Variants in NAA38 observed in about 807,000 individuals in gnomAD.
NAA38 encodes LSM domain containing 1.
NAA38 carries 15 observed loss-of-function variants against 12.6 expected under a neutral mutation model. The observed-to-expected ratio is 1.19, with a 90% CI of 0.79 to 1.83. The LOEUF (loss-of-function observed/expected upper bound fraction) is 1.83. Among genes scored for constraint, NAA38 ranks in the 40% most tolerant of loss-of-function variants. The probability of loss-of-function intolerance (pLI) is 0.00; values close to 1 mark genes in which losing one functional copy is unlikely to be tolerated. For missense variants in NAA38, 183 were observed against 171.7 expected (o/e 1.07, Z -0.37); for synonymous variants, 88 against 69.9 (o/e 1.26, Z -1.29).
upstream of NAA38, chr17:7,857,584 C>G (rs1262163057): frequency 6.5e-6 from 9 of 1,392,212 alleles, no homozygotes; most frequent in Middle Eastern, 4.0e-4. Flanking sequence ...CCTCCCCCTC[C>G]TAGTCTCCTC....
intron 1 of NAA38, chr17:7,884,941 G>GGAC (rs1170689137): frequency 1.4e-6 from 2 of 1,396,096 alleles, no homozygotes; most frequent in African/African-American, 1.5e-5. Context: ...ACGATGAGGA[G>GGAC]GACGACGACG....
At chr17:7,882,272 C>T (rs78209469) in intron 2 of NAA38, among the ~76,000 whole-genome samples, 10,893 of 152,132 alleles carry the variant, frequency 0.072, 708 homozygotes, top group East Asian at 0.37. Flanking sequence ...GCACATGATG[C>T]GCAGTGTGGC....
At chr17:7,864,245 A>T (rs1477133544) in intron 3 of NAA38, 1 of 152,212 alleles carries the variant, frequency 6.6e-6, no homozygotes, top group Admixed American at 6.5e-5. Context: ...AAAAATACAA[A>T]TGGATATGCA....
Position 7,857,432 on chromosome 17 carries a change from C to A in NAA38, c.32G>T (p.Arg11Leu). Reference protein sequence around the residue: MAGAGPTMLLREENGCCSRRQ... With the variant: MAGAGPTMLLLEENGCCSRRQ... ...CCGACTGCAACAGCCATTCTCTTCT[C>A]GTAGCAGCATGGTCGGTCCAGCTCC... The change falls in exon 1 of 3, where the codon CGA becomes CTA. Residue 11 changes from arginine (R) to leucine (L), a missense_variant. Transcript: ENST00000575771. 1 of 1,586,956 alleles carries A rather than the reference C, an allele frequency of 6.3e-7. No homozygotes were observed. The highest frequency in any genetic ancestry group is 8.6e-7 in the Non-Finnish European group (1 of 1,168,552).
chr17:7,861,464 C>T (rs980696139), upstream of NAA38: 5 of 152,142 alleles, frequency 3.3e-5, no homozygotes, highest in African/African-American at 1.2e-4. Flanking sequence ...ACCTTGTTTG[C>T]TCAATTAAAC....
intron 1 of NAA38, chr17:7,884,694 C>A (rs1597889793): frequency 3.0e-5 from 10 of 335,058 alleles, no homozygotes; most frequent in East Asian, 4.6e-5. Flanking sequence ...GACGCCGCCG[C>A]CGAGGAGGAG....
At chr17:7,871,002 C>T (rs1967076693) in intron 2 of NAA38, among the ~76,000 whole-genome samples, 2 of 152,086 alleles carry the variant, frequency 1.3e-5, no homozygotes, top group Non-Finnish European at 2.9e-5. Context: ...GTGGAGATTA[C>T]AGGTGTGAAC....
chr17:7,875,122 G>A (rs1374282534), intron 2 of NAA38, among the ~76,000 whole-genome samples: 1 of 151,874 alleles, frequency 6.6e-6, no homozygotes, highest in African/African-American at 2.4e-5. Context: ...TTGAGCCTAG[G>A]AGTTCGAGGC....
At chr17:7,858,927 T>C, upstream of NAA38, 1 of 1,117,194 alleles carries the variant, frequency 9.0e-7, no homozygotes, top group Non-Finnish European at 1.2e-6. Flanking sequence ...GGTGGGAGTG[T>C]ATTTTCTGTC....
intron 2 of NAA38, among the ~76,000 whole-genome samples, chr17:7,867,704 T>A (rs1967013545): frequency 6.6e-6 from 1 of 152,106 alleles, no homozygotes; most frequent in Non-Finnish European, 1.5e-5. Flanking sequence ...GACTACAATG[T>A]CAAGAGAGAA....
intron 1 of NAA38, chr17:7,885,130 G>T: frequency 1.0e-6 from 1 of 982,898 alleles, no homozygotes; most frequent in Non-Finnish European, 1.2e-6. Context: ...TGGGAGCCGC[G>T]GGCGCGCGAA....
chr17:7,857,707 A>G, upstream of NAA38: 1 of 1,306,584 alleles, frequency 7.7e-7, no homozygotes, highest in Non-Finnish European at 9.7e-7. Flanking sequence ...CTGGTTTCTT[A>G]CACATCCTTT....
intron 2 of NAA38, among the ~76,000 whole-genome samples, chr17:7,880,096 C>A (rs2151392822): frequency 6.6e-6 from 1 of 152,122 alleles, no homozygotes; most frequent in South Asian, 2.1e-4. Context: ...GTGTTTTATA[C>A]AACATAGTGC....
At chr17:7,870,916 G>A (rs1194738565) in intron 2 of NAA38, among the ~76,000 whole-genome samples, 3 of 151,278 alleles carry the variant, frequency 2.0e-5, no homozygotes, top group South Asian at 2.1e-4. Context: ...TTGTAGAAAC[G>A]GGGTCTCACT....
chr17:7,877,062 C>T (rs1478413232), intron 2 of NAA38: 1 of 388,926 alleles, frequency 2.6e-6, no homozygotes, highest in Admixed American at 3.1e-5. Context: ...TTCAAAGAAC[C>T]AGAGATTCAT....
intron 3 of NAA38, chr17:7,864,949 G>C (rs74252292): frequency 6.6e-6 from 1 of 151,976 alleles, no homozygotes; most frequent in Non-Finnish European, 1.5e-5. Context: ...AGGTACTTGT[G>C]TGTAGAATTT....
chr17:7,884,464 A>ATATATATATATG (rs1967435672), intron 1 of NAA38, among the ~76,000 whole-genome samples: 1 of 142,988 alleles, frequency 7.0e-6, no homozygotes, highest in Non-Finnish European at 1.5e-5. Flanking sequence ...ATACATATAT[A>ATATATATATATG]TATATATATA....
At chr17:7,883,838 A>G (rs1967376933) in intron 1 of NAA38, among the ~76,000 whole-genome samples, 1 of 152,146 alleles carries the variant, frequency 6.6e-6, no homozygotes, top group Non-Finnish European at 1.5e-5. Flanking sequence ...GTATTCAAAA[A>G]AAAAAAAGCT....
intron 2 of NAA38, among the ~76,000 whole-genome samples, chr17:7,871,880 C>A (rs1378472600): frequency 2.6e-5 from 4 of 152,166 alleles, no homozygotes; most frequent in Non-Finnish European, 5.9e-5. Flanking sequence ...GTCTCGAACT[C>A]CTGACCTCAA....
Sources: gnomAD v4.1 joint callset for allele counts (sites outside exome capture counted in the v4.1 genomes callset) on GRCh38, gnomAD v4.1.1 for gene constraint, MANE v1.5 for transcripts, NCBI Gene and HGNC (gene_info 2026-07-23, HGNC 2026-07-21) for gene names.